The following KCNAB1 variants were observed in gnomAD, a reference collection of about 807,000 sequenced individuals.
KCNAB1 encodes the protein potassium voltage-gated channel subfamily A regulatory beta subunit 1, also known as voltage-gated potassium channel subunit beta-1.
Under a neutral mutation model 64.6 loss-of-function variants are expected in KCNAB1, and 35 were observed. The observed-to-expected ratio is 0.54, with a 90% CI of 0.41 to 0.72. The LOEUF is 0.72. Among genes scored for constraint, KCNAB1 ranks in the 30% least tolerant of loss-of-function variants. The pLI is 0.00. For synonymous variants in KCNAB1, 177 were observed against 183.8 expected (o/e 0.96, Z 0.30); for missense variants, 401 against 512.9 (o/e 0.78, Z 2.11).
chr3:156,256,684 G>C (rs1044071055), intron 1 of KCNAB1, among the ~76,000 whole-genome samples: 39 of 147,876 alleles, frequency 2.6e-4, no homozygotes, highest in Admixed American at 2.1e-4. Context: ...TGTAGCTTAA[G>C]TATTTTTTTT....
chr3:156,506,254 G>T (rs550719779), intron 8 of KCNAB1, among the ~76,000 whole-genome samples: 65 of 152,222 alleles, frequency 4.3e-4, no homozygotes, highest in Non-Finnish European at 4.3e-4. Context: ...CAAGGTGAAG[G>T]CTGGGCTAAA....
At chr3:156,459,483 G>T (rs1366983137) in intron 4 of KCNAB1, among the ~76,000 whole-genome samples, 1 of 152,092 alleles carries the variant, frequency 6.6e-6, no homozygotes, top group African/African-American at 2.4e-5. Context: ...CAATTAGAAG[G>T]AAAACTGACT....
intron 1 of KCNAB1, among the ~76,000 whole-genome samples, chr3:156,229,892 G>A (rs1231438345): frequency 1.3e-5 from 2 of 152,030 alleles, no homozygotes; most frequent in East Asian, 3.9e-4. Context: ...ACATTCCTAT[G>A]TAGGAAGAGC....
chr3:156,505,874 CTT>C (rs869113698), intron 8 of KCNAB1, among the ~76,000 whole-genome samples: 13 of 152,218 alleles, frequency 8.5e-5, no homozygotes, highest in African/African-American at 2.4e-4. Flanking sequence ...ATCCCAGACT[CTT>C]TTAAACAACC....
chr3:156,230,192 A>G (rs1027561040), intron 1 of KCNAB1, among the ~76,000 whole-genome samples: 2 of 152,218 alleles, frequency 1.3e-5, no homozygotes, highest in African/African-American at 2.4e-5. Context: ...CAATACAGTC[A>G]TGTACCACAT....
At chr3:156,533,111 A>T (rs1166316088) in intron 13 of KCNAB1, among the ~76,000 whole-genome samples, 2 of 152,236 alleles carry the variant, frequency 1.3e-5, no homozygotes, top group East Asian at 3.8e-4. Context: ...CCTTCAAGGG[A>T]TGTTTTACGT....
At chr3:156,525,424 A>G (rs1035590417) in intron 12 of KCNAB1, among the ~76,000 whole-genome samples, 3 of 152,240 alleles carry the variant, frequency 2.0e-5, no homozygotes, top group Non-Finnish European at 2.9e-5. Context: ...AAAAAAGCTT[A>G]TAACAATATA....
At chr3:156,288,078 G>T (rs1489472959) in intron 1 of KCNAB1, among the ~76,000 whole-genome samples, 1 of 152,174 alleles carries the variant, frequency 6.6e-6, no homozygotes, top group Admixed American at 6.5e-5. Context: ...CCAAGATCAA[G>T]GTACTTGCAG....
intron 12 of KCNAB1, among the ~76,000 whole-genome samples, chr3:156,527,626 G>T (rs1414550163): frequency 6.6e-6 from 1 of 151,988 alleles, no homozygotes; most frequent in African/African-American, 2.4e-5. Flanking sequence ...TACAGGATCT[G>T]AGTTTAAATT....
intron 8 of KCNAB1, among the ~76,000 whole-genome samples, chr3:156,476,875 G>C (rs1252723508): frequency 6.6e-6 from 1 of 152,108 alleles, no homozygotes; most frequent in Non-Finnish European, 1.5e-5. Context: ...ATGAAAGACT[G>C]GAATTGCTTC....
At chr3:156,393,746 C>T (rs1306983048) in intron 1 of KCNAB1, among the ~76,000 whole-genome samples, 1 of 152,106 alleles carries the variant, frequency 6.6e-6, no homozygotes, top group Non-Finnish European at 1.5e-5. Context: ...TTCCCTCTTT[C>T]TAGGGAGGGT....
At chr3:156,354,142 A>ATGTG (rs1203123180) in intron 1 of KCNAB1, among the ~76,000 whole-genome samples, 84 of 123,152 alleles carry the variant, frequency 6.8e-4, no homozygotes, top group African/African-American at 2.2e-3. Context: ...ATATATATAT[A>ATGTG]TGTGTATATA....
At chr3:156,478,203 C>CT (rs1411178479) in intron 8 of KCNAB1, among the ~76,000 whole-genome samples, 1 of 151,870 alleles carries the variant, frequency 6.6e-6, no homozygotes, top group South Asian at 2.1e-4. Context: ...AATGATACTA[C>CT]TTTTTTTCTT....
In KCNAB1 at chr3:156,213,411, A is replaced by G. The variant is rs137877272; in HGVS notation, c.275+92525A>G. Among the ~76,000 whole-genome samples, 423 of 152,246 alleles carry G rather than the reference A, an allele frequency of 2.8e-3. 3 individuals carry two copies. Among genetic ancestry groups the G allele is most frequent in the African/African-American group, 9.4e-3 (391 of 41,544 alleles). ...TTTTCTTTTGTAGAGACAGGGTCTC[A>G]CTATGTTGACCAGGCTGGTCTTGAA... On this transcript the variant is annotated intron_variant, in intron 1 of 13. Transcript: ENST00000490337.
chr3:156,534,536 T>C (rs1021831617), intron 13 of KCNAB1, among the ~76,000 whole-genome samples: 16 of 151,918 alleles, frequency 1.1e-4, no homozygotes, highest in African/African-American at 3.6e-4. Flanking sequence ...GCCTCATCAC[T>C]CCCCACCACA....
At chr3:156,278,498 A>G (rs1441117129) in intron 1 of KCNAB1, among the ~76,000 whole-genome samples, 3 of 152,216 alleles carry the variant, frequency 2.0e-5, no homozygotes, top group East Asian at 1.9e-4. Context: ...TTTTTAACAC[A>G]GTGCTTGCAA....
At chr3:156,385,844 T>C (rs1238959277) in intron 1 of KCNAB1, among the ~76,000 whole-genome samples, 1 of 152,240 alleles carries the variant, frequency 6.6e-6, no homozygotes, top group Admixed American at 6.5e-5. Context: ...ATTTGTTGTA[T>C]TCTGCAGATT....
chr3:156,416,656 G>T (rs1275699814), intron 1 of KCNAB1, among the ~76,000 whole-genome samples: 3 of 152,136 alleles, frequency 2.0e-5, no homozygotes, highest in African/African-American at 4.8e-5. Context: ...GACATAAGCT[G>T]CACGAGAGCA....
At chr3:156,386,508 G>A (rs1209808532) in intron 1 of KCNAB1, among the ~76,000 whole-genome samples, 1 of 152,174 alleles carries the variant, frequency 6.6e-6, no homozygotes, top group African/African-American at 2.4e-5. Flanking sequence ...AGTGCAACAG[G>A]TGTGGACCAT....
Sources: gnomAD v4.1 joint callset for allele counts (sites outside exome capture counted in the v4.1 genomes callset) on GRCh38, gnomAD v4.1.1 for gene constraint, MANE v1.5 for transcripts, NCBI Gene and HGNC (gene_info 2026-07-23, HGNC 2026-07-21) for gene names.